The following SH3RF3 variants were observed in gnomAD, a reference collection of about 807,000 sequenced individuals.
The protein encoded by SH3RF3 is E3 ubiquitin-protein ligase SH3RF3.
A neutral mutation model predicts 66.3 loss-of-function variants in SH3RF3; 29 were observed. The observed-to-expected ratio is 0.44, with a 90% confidence interval of 0.33 to 0.60. SH3RF3 has a LOEUF of 0.60. SH3RF3 is among the 20% of genes least tolerant of loss of function. SH3RF3 has a pLI of 0.04. For missense variants in SH3RF3, 1,194 were observed against 1,190.9 expected (o/e 1.00, Z -0.04); for synonymous variants, 583 against 532.0 (o/e 1.10, Z -1.32).
At chr2:109,291,383 C>G (rs1681177109) in intron 1 of SH3RF3, among the ~76,000 whole-genome samples, 1 of 151,830 alleles carries the variant, frequency 6.6e-6, no homozygotes. Flanking sequence ...GGCCCATCTG[C>G]CCAAACAGTG....
rs1273437959 is a variant in SH3RF3, at chr2:109,249,536, C to CTTTTTCTTTCTTTCT, written c.574-98136_574-98135insTTTCTTTCTTTCTTT. Among the ~76,000 whole-genome samples the CTTTTTCTTTCTTTCT allele has an allele frequency of 2.6e-3, 189 of 74,078 alleles. 1 individual carries two copies. The highest frequency in any genetic ancestry group is 3.4e-3 in the Non-Finnish European group (123 of 36,198). The allele number at this position is 74,078 out of a possible 152,430, so 48.6% of individuals were successfully genotyped here. A position where few individuals can be genotyped will look rare whatever the true frequency, so the allele number is the denominator to read the frequency against. On this transcript the variant is annotated intron_variant, in intron 1 of 9. Transcript: ENST00000309415. Reference sequence around the variant, plus strand: ...TTCTTTCTTTTTCTTTCTTTCTTTCCTTCCTTCCTTCCTTCCTTCCTTCCT... The same window carrying CTTTTTCTTTCTTTCT: ...TTCTTTCTTTTTCTTTCTTTCTTTCCTTTTTCTTTCTTTCTTTCCTTCCTTCCTTCCTTCCTTCCT...
In SH3RF3 at chr2:109,469,414, A is replaced by G. The variant is rs1249275860; in HGVS notation, c.2148+19925A>G. ...TGCCTGCCTGGTCTGTTGGTTTTCC[A>G]TGCATGCATCCGCTGCTCTGTCGAG... On this transcript the variant is annotated intron_variant, in intron 8 of 9. Coordinates refer to ENST00000309415, the MANE Select transcript of SH3RF3 (RefSeq NM_001099289.3). Among the ~76,000 whole-genome samples the G allele has an allele frequency of 4.6e-5, 7 of 152,304 alleles. No homozygotes were observed. In the East Asian group the frequency reaches 9.7e-4, roughly 21 times the overall value.
At chr2:109,380,004 G>A (rs968078712) in intron 3 of SH3RF3, among the ~76,000 whole-genome samples, 2 of 152,062 alleles carry the variant, frequency 1.3e-5, no homozygotes, top group African/African-American at 4.8e-5. Context: ...TTGGATTAAC[G>A]ACATAAAGAA....
chr2:109,393,492 T>A (rs1559058922), intron 3 of SH3RF3, among the ~76,000 whole-genome samples: 1 of 152,198 alleles, frequency 6.6e-6, no homozygotes, highest in African/African-American at 2.4e-5. Context: ...AGAAACTCTT[T>A]CAGAGCAGGT....
chr2:109,146,563 T>G (rs764131793), intron 1 of SH3RF3, among the ~76,000 whole-genome samples: 7 of 152,120 alleles, frequency 4.6e-5, no homozygotes, highest in Admixed American at 1.3e-4. Context: ...AGCCTACCTC[T>G]GAATGCACGC....
At chr2:109,193,953 C>T (rs1678432186) in intron 1 of SH3RF3, among the ~76,000 whole-genome samples, 1 of 152,198 alleles carries the variant, frequency 6.6e-6, no homozygotes, top group African/African-American at 2.4e-5. Context: ...AGTTGGAATC[C>T]AGCTGCCATG....
At chr2:109,496,446 C>G (rs566846263) in intron 9 of SH3RF3, among the ~76,000 whole-genome samples, 1 of 152,336 alleles carries the variant, frequency 6.6e-6, no homozygotes, top group Admixed American at 6.5e-5. Context: ...AGTCCCCACT[C>G]GACCCAGGAA....
At chr2:109,375,699 C>T (rs1683366359) in intron 3 of SH3RF3, among the ~76,000 whole-genome samples, 1 of 152,252 alleles carries the variant, frequency 6.6e-6, no homozygotes, top group South Asian at 2.1e-4. Context: ...GAGTTCTGCC[C>T]TCTCTGTGGC....
At chr2:109,412,094 T>C (rs1338943799) in intron 4 of SH3RF3, among the ~76,000 whole-genome samples, 2 of 152,218 alleles carry the variant, frequency 1.3e-5, no homozygotes, top group Admixed American at 6.5e-5. Context: ...TGCTTTACGT[T>C]GGACTCACGC....
chr2:109,397,623 CCTAA>C (rs1375558177), intron 3 of SH3RF3, among the ~76,000 whole-genome samples: 1 of 152,172 alleles, frequency 6.6e-6, no homozygotes, highest in Non-Finnish European at 1.5e-5. Context: ...GGTGAACTGA[CCTAA>C]CTGAGGCCCT....
intron 4 of SH3RF3, among the ~76,000 whole-genome samples, chr2:109,401,357 C>T (rs1328806460): frequency 1.3e-5 from 2 of 152,156 alleles, no homozygotes; most frequent in East Asian, 3.9e-4. Context: ...GCGGCCTGGC[C>T]CTTGTGGACC....
chr2:109,170,988 C>T (rs1403800925), intron 1 of SH3RF3, among the ~76,000 whole-genome samples: 1 of 152,164 alleles, frequency 6.6e-6, no homozygotes, highest in Non-Finnish European at 1.5e-5. Context: ...GCGCTCCCCA[C>T]AGGAACCAAG....
intron 5 of SH3RF3, among the ~76,000 whole-genome samples, chr2:109,421,399 A>G (rs1183977952): frequency 6.6e-6 from 1 of 152,226 alleles, no homozygotes; most frequent in African/African-American, 2.4e-5. Context: ...AGGGCTCCCC[A>G]GCTTGAGGCG....
rs1398369368 is a variant in SH3RF3 at position 109,449,472 on chromosome 2, G to A, written c.2131G>A (p.Glu711Lys). ...CACCAACACGGGATGCAAACTAGAC[G>A]AGAAGAAAAGTGAAAAGGTAAGAGG... The part of the protein sequence containing the change: ...SPTNTGCKLD[E>K]KKSEKKEKKS... The change falls in exon 8 of 10, where the codon GAG (glutamate) becomes AAG (lysine). Residue 711 changes from glutamate to lysine, a missense_variant. Coordinates refer to ENST00000309415, the MANE Select transcript of SH3RF3 (RefSeq NM_001099289.3). 35 of 1,613,840 alleles carry A rather than the reference G, an allele frequency of 2.2e-5. No homozygotes were observed. The highest frequency in any genetic ancestry group is 1.6e-4 in the Middle Eastern group (1 of 6,082).
At chr2:109,130,939 G>A (rs2104794727) in intron 1 of SH3RF3, among the ~76,000 whole-genome samples, 1 of 152,268 alleles carries the variant, frequency 6.6e-6, no homozygotes, top group South Asian at 2.1e-4. Context: ...GGCATGGGAT[G>A]CTGGTTTAAA....
At chr2:109,445,680 G>T (rs568902408) in intron 7 of SH3RF3, among the ~76,000 whole-genome samples, 1 of 152,230 alleles carries the variant, frequency 6.6e-6, no homozygotes, top group South Asian at 2.1e-4. Context: ...AGGTATCAAG[G>T]ATGTGGGTGA....
intron 2 of SH3RF3, among the ~76,000 whole-genome samples, chr2:109,358,802 T>A (rs1234977352): frequency 1.3e-5 from 2 of 152,260 alleles, no homozygotes. Flanking sequence ...GTCTAACTTA[T>A]CAATTCTTTC....
rs564251467 is a variant in SH3RF3 at position 109,217,246 on chromosome 2, G to T, written c.573+87133G>T. On this transcript the variant is annotated intron_variant, in intron 1 of 9. Coordinates refer to ENST00000309415, the MANE Select transcript of SH3RF3 (RefSeq NM_001099289.3). Reference sequence around the variant, plus strand: ...GCAATCACTCTTTTAATAAAATTCTGTCTTCCATTGAACCTTTTGGGTATC... The same window carrying T: ...GCAATCACTCTTTTAATAAAATTCTTTCTTCCATTGAACCTTTTGGGTATC... 3.3e-4 allele frequency among the ~76,000 whole-genome samples: 50 copies of T among 152,294 alleles called. 1 individual carries two copies. The South Asian group carries it at 8.7e-3, about 27-fold the overall frequency.
At chr2:109,492,451 G>C (rs1250725358) in intron 9 of SH3RF3, among the ~76,000 whole-genome samples, 1 of 152,118 alleles carries the variant, frequency 6.6e-6, no homozygotes, top group African/African-American at 2.4e-5. Context: ...AGCATCACAA[G>C]AGCTGGGTGT....
Sources: allele counts gnomAD v4.1 joint callset (sites outside exome capture counted in the v4.1 genomes callset), GRCh38; gene constraint gnomAD v4.1.1; transcripts MANE v1.5; gene names NCBI Gene and HGNC (gene_info 2026-07-23, HGNC 2026-07-21).